Variants in TRIM37 observed in about 807,000 individuals in gnomAD.
TRIM37 encodes the protein tripartite motif containing 37, also known as E3 ubiquitin-protein ligase TRIM37.
A neutral mutation model predicts 129.8 loss-of-function variants in TRIM37; 80 were observed. The ratio of observed to expected loss-of-function variants is 0.62; its 90% CI spans 0.51 to 0.74. The LOEUF is 0.74. Among genes scored for constraint, TRIM37 ranks in the 30% least tolerant of loss-of-function variants. The probability of loss-of-function intolerance (pLI) is 0.00; values close to 1 mark genes in which losing one functional copy is unlikely to be tolerated. For missense variants in TRIM37, 1,054 were observed against 1,176.5 expected, an observed-to-expected ratio of 0.90 and a Z score of 1.52; for synonymous variants, 389 against 387.1, an observed-to-expected ratio of 1.00 and a Z score of -0.06.
chr17:59,033,335 C>G (rs1599025922), intron 17 of TRIM37, among the ~76,000 whole-genome samples: 1 of 152,164 alleles, frequency 6.6e-6, no homozygotes, highest in East Asian at 1.9e-4. Flanking sequence ...GCCTCCTCTT[C>G]TAAGGATTAT....
At chr17:58,967,515 T>G in the TRIM37 span, among the ~76,000 whole-genome samples, 31 of 149,108 alleles carry the variant, frequency 2.1e-4, no homozygotes, top group African/African-American at 6.8e-4. Flanking sequence ...TATATATATA[T>G]ATATAGAGAG....
chr17:58,973,428 A>G, the TRIM37 span, among the ~76,000 whole-genome samples: 3 of 151,694 alleles, frequency 2.0e-5, no homozygotes, highest in Admixed American at 6.6e-5. Context: ...AAAAAAAAAA[A>G]AGAGAACCAT....
At chr17:58,992,443 C>T (rs2032543625) in intron 24 of TRIM37, among the ~76,000 whole-genome samples, 1 of 151,566 alleles carries the variant, frequency 6.6e-6, no homozygotes, top group Non-Finnish European at 1.5e-5. Flanking sequence ...TGCGATGGCA[C>T]AATCTTGGTT....
intron 9 of TRIM37, 71 bp downstream of exon 9, chr17:59,070,752 T>G (rs1378720299): frequency 2.0e-6 from 3 of 1,471,204 alleles, no homozygotes; most frequent in African/African-American, 2.8e-5. Flanking sequence ...AAAAAAAACA[T>G]TCTTTTGAAA....
At chr17:59,053,285 C>G (rs1414043875) in intron 13 of TRIM37, among the ~76,000 whole-genome samples, 2 of 152,084 alleles carry the variant, frequency 1.3e-5, no homozygotes, top group African/African-American at 4.8e-5. Context: ...CCTTAAATAA[C>G]TTTCTAATAA....
chr17:59,066,013 T>C (rs1227423012), intron 9 of TRIM37, among the ~76,000 whole-genome samples: 3 of 152,212 alleles, frequency 2.0e-5, no homozygotes, highest in Non-Finnish European at 1.5e-5. Flanking sequence ...CTTAGAAGAC[T>C]CACATTCCTC....
intron 24 of TRIM37, among the ~76,000 whole-genome samples, chr17:58,992,266 T>C (rs1201261059): frequency 1.4e-5 from 2 of 143,528 alleles, no homozygotes; most frequent in African/African-American, 5.1e-5. Context: ...TATATAAATA[T>C]AAATATATAT....
At chr17:59,078,134 T>C (rs2042976918) in intron 7 of TRIM37, among the ~76,000 whole-genome samples, 1 of 151,638 alleles carries the variant, frequency 6.6e-6, no homozygotes, top group Non-Finnish European at 1.5e-5. Flanking sequence ...CAAATAATAA[T>C]AATAATAATA....
rs2038173656 is a variant in TRIM37, at chr17:59,033,965, G to C, written c.1754-1875C>G. ...AAACCAAAATACAAAAGAATAGCCAGGTGTGGTGGCAGGCACCTGTAATCC... is the reference window on the plus strand; with the variant it reads ...AAACCAAAATACAAAAGAATAGCCACGTGTGGTGGCAGGCACCTGTAATCC... On this transcript the variant is annotated intron_variant, in intron 17 of 23. Transcript: ENST00000262294. Among the ~76,000 whole-genome samples, 7 of 151,932 alleles carry C rather than the reference G, an allele frequency of 4.6e-5. No homozygotes were observed. The South Asian group carries it at 1.5e-3, about 32-fold the overall frequency.
intron 24 of TRIM37, chr17:58,982,990 T>C: frequency 2.4e-6 from 3 of 1,259,830 alleles, no homozygotes; most frequent in Non-Finnish European, 3.2e-6. Flanking sequence ...CTTAGCGAAG[T>C]AAAAAAAAAA....
intron 22 of TRIM37, among the ~76,000 whole-genome samples, chr17:59,011,077 G>A (rs2035194647): frequency 6.6e-6 from 1 of 151,870 alleles, no homozygotes; most frequent in East Asian, 1.9e-4. Context: ...GCTGAGGCAG[G>A]AGAATCGCTT....
intron 19 of TRIM37, among the ~76,000 whole-genome samples, chr17:59,027,203 T>C (rs1286366413): frequency 2.0e-5 from 3 of 152,180 alleles, no homozygotes; most frequent in African/African-American, 7.2e-5. Flanking sequence ...AAATTAAACA[T>C]GTTTAAAAAA....
chr17:59,088,423 A>T lies in TRIM37; in HGVS notation c.165-16T>A. ...GAGTGGAGCACTGGGGAGAAAATCCATACACATACACTAATTCAGGAATTT... is the reference window on the plus strand; with the variant it reads ...GAGTGGAGCACTGGGGAGAAAATCCTTACACATACACTAATTCAGGAATTT... On this transcript the variant is annotated splice_polypyrimidine_tract_variant and intron_variant, in intron 3 of 23. Transcript: ENST00000262294. 1.5e-6 allele frequency: 2 copies of T among 1,315,090 alleles called. No homozygotes were observed. The highest frequency in any genetic ancestry group is 2.2e-6 in the Non-Finnish European group (2 of 907,126). 81.5% of individuals were successfully genotyped at this position (1,315,090 alleles called of 1,614,324 possible). A position where few individuals can be genotyped will look rare whatever the true frequency, so the allele number is the denominator to read the frequency against.
intron 2 of TRIM37, among the ~76,000 whole-genome samples, chr17:59,100,346 T>C (rs1784959931): frequency 6.6e-6 from 1 of 152,228 alleles, no homozygotes; most frequent in African/African-American, 2.4e-5. Context: ...AAACATGCCA[T>C]ATGCCCATCA....
At chr17:59,039,699 T>C (rs944020988) in intron 17 of TRIM37, among the ~76,000 whole-genome samples, 7 of 152,040 alleles carry the variant, frequency 4.6e-5, no homozygotes, top group African/African-American at 1.7e-4. Flanking sequence ...TTGGTAGATC[T>C]TGTGATTCTT....
At chr17:58,972,282 A>G in the TRIM37 span, 1 of 1,613,214 alleles carries the variant, frequency 6.2e-7, no homozygotes, top group Non-Finnish European at 8.5e-7. Flanking sequence ...AGAGGTAAGT[A>G]TGGTCTGTTT....
intron 5 of TRIM37, 132 bp from the exon 6 acceptor site, chr17:59,081,351 T>C: frequency 7.4e-7 from 1 of 1,353,312 alleles, no homozygotes; most frequent in Non-Finnish European, 1.0e-6. Flanking sequence ...GCTAATTTAA[T>C]TTTGTTGAAG....
downstream of TRIM37, among the ~76,000 whole-genome samples, chr17:58,995,419 A>G (rs1369436406): frequency 1.3e-5 from 2 of 151,852 alleles, no homozygotes; most frequent in Non-Finnish European, 2.9e-5. Context: ...AAAAAAAAAA[A>G]GAAGAATGAG....
At chr17:59,017,088 C>G (rs138702448) in intron 20 of TRIM37, among the ~76,000 whole-genome samples, 1 of 152,062 alleles carries the variant, frequency 6.6e-6, no homozygotes, top group Non-Finnish European at 1.5e-5. Flanking sequence ...ATCTCTTAAA[C>G]CACCGGTCGA....
Sources: allele counts gnomAD v4.1 joint callset (sites outside exome capture counted in the v4.1 genomes callset), GRCh38; gene constraint gnomAD v4.1.1; transcripts MANE v1.5; gene names NCBI Gene and HGNC (gene_info 2026-07-23, HGNC 2026-07-21).